PTPRH: variants seen among roughly 807,000 people sequenced by gnomAD.
PTPRH encodes receptor-type tyrosine-protein phosphatase H.
In PTPRH, 113 loss-of-function variants were observed where a neutral mutation model predicts 130.2. The observed-to-expected ratio is 0.87, with a 90% CI of 0.75 to 1.01. The LOEUF is 1.01. Among genes scored for constraint, PTPRH ranks in the 50% least tolerant of loss-of-function variants. The probability of loss-of-function intolerance (pLI) is 0.00; values close to 1 mark genes in which losing one functional copy is unlikely to be tolerated. For missense variants in PTPRH, 1,430 were observed against 1,425.0 expected (o/e 1.00, Z -0.06); for synonymous variants, 556 against 577.9 (o/e 0.96, Z 0.54).
At chr19:55,204,178 G>A in intron 4 of PTPRH, 130 bp from the exon 5 acceptor site, 2 of 1,059,222 alleles carry the variant, frequency 1.9e-6, no homozygotes, top group Non-Finnish European at 2.7e-6. Flanking sequence ...GGAGTGCAGT[G>A]GCACGATCTC....
intron 18 of PTPRH, 143 bp downstream of exon 18, chr19:55,185,359 G>T (rs865839037): frequency 7.0e-6 from 6 of 854,700 alleles, no homozygotes; most frequent in South Asian, 1.9e-5. Flanking sequence ...TCTGCTTCAC[G>T]CCCCCCTTTA....
At chr19:55,207,322 G>T in intron 1 of PTPRH, 123 bp from the exon 2 acceptor site, 1 of 1,081,008 alleles carries the variant, frequency 9.3e-7, no homozygotes, top group Non-Finnish European at 1.3e-6. Context: ...GGAAGGAGGG[G>T]CCGGTGTTAG....
rs1485141061 is a variant in PTPRH at position 55,209,192 on chromosome 19, AGACAC to A, written c.51+186_51+190del. On this transcript the variant is annotated intron_variant, in intron 1 of 19. Transcript: ENST00000376350. This position sits in a 1 kb window ranked among gnomAD's most constrained non-coding sequence, Gnocchi z 4.1. ...GGGTGAAGCTGGTGTCCCCCGCAGC[AGACAC>A]GACAGTATCTAAGAGCCCAGGTGTA... Among the ~76,000 whole-genome samples the A allele has an allele frequency of 6.6e-6, 1 of 152,012 alleles. No individual in the cohort carries two copies. Among genetic ancestry groups the A allele is most frequent in the African/African-American group, 2.4e-5 (1 of 41,338 alleles).
Position 55,185,581 on chromosome 19 carries a change from T to C in PTPRH, c.2983A>G (p.Thr995Ala), listed in dbSNP as rs770870779. 1 of 1,614,054 alleles carries C rather than the reference T, an allele frequency of 6.2e-7. No homozygotes were observed. The highest frequency in any genetic ancestry group is 8.5e-7 in the Non-Finnish European group (1 of 1,179,998). The change falls in exon 18 of 20, where the codon ACC (threonine) becomes GCC (alanine). Residue 995 changes from threonine (T) to alanine (A), a missense_variant. Thr to Ala is a moderately conservative substitution (Grantham distance 58). Transcript: ENST00000376350. ...AGCATCCTCCAGAAAGCCAGCAAGG[T>C]GTCTGGGGAGGAGGGAACGCCGTGA... ...PDHGVPSSPD[T>A]LLAFWRMLRQ...
intron 18 of PTPRH, among the ~76,000 whole-genome samples, chr19:55,183,051 C>A (rs1054439177): frequency 2.0e-5 from 3 of 150,532 alleles, no homozygotes; most frequent in Non-Finnish European, 4.4e-5. Context: ...CCACCTCAGC[C>A]CCCCAAAGTG....
At chr19:55,185,414 G>T in intron 18 of PTPRH, 88 bp downstream of exon 18, 1 of 1,450,230 alleles carries the variant, frequency 6.9e-7, no homozygotes, top group Non-Finnish European at 9.4e-7. Context: ...CACCTCCCCT[G>T]TACGTTCCCA....
intron 10 of PTPRH, among the ~76,000 whole-genome samples, chr19:55,195,188 G>A (rs1308021589): frequency 6.6e-6 from 1 of 152,158 alleles, no homozygotes; most frequent in African/African-American, 2.4e-5. Flanking sequence ...AGCTGGGCGT[G>A]GTAGGAGGCG....
Position 55,197,132 on chromosome 19 carries a change from G to T in PTPRH, c.1975C>A (p.Leu659Ile), listed in dbSNP as rs777120415. The change falls in exon 9 of 20, where the codon CTC becomes ATC. Residue 659 changes from leucine (L) to isoleucine (I), a missense_variant. Leu to Ile is a conservative substitution (Grantham distance 5). Transcript: ENST00000376350. ...RNDVASSTQS[L>I]CASTYPDTVT... ...GGATTCTCACATGTGGACGCACAGA[G>T]GCTCTGCGTGGAACTGGCTACGTCA... 1 of 1,614,130 alleles carries T rather than the reference G, an allele frequency of 6.2e-7. No individual in the cohort carries two copies. Among genetic ancestry groups the T allele is most frequent in the South Asian group, 1.1e-5 (1 of 91,090 alleles).
chr19:55,209,104 G>A lies in PTPRH; in HGVS notation c.51+279C>T, dbSNP rs1171452390. Among the ~76,000 whole-genome samples, 6 of 151,986 alleles carry A rather than the reference G, an allele frequency of 3.9e-5. No homozygotes were observed. Among genetic ancestry groups the A allele is most frequent in the Non-Finnish European group, 8.8e-5 (6 of 67,968 alleles). On this transcript the variant is annotated intron_variant, in intron 1 of 19. Coordinates refer to ENST00000376350, the MANE Select transcript of PTPRH (RefSeq NM_002842.5). This position sits in a 1 kb window ranked among gnomAD's most constrained non-coding sequence, Gnocchi z 4.1. Reference sequence around the variant, plus strand: ...AGTGTCCCCCGCAGCAGACACGACAGTGTCTAAGGGCCCGGGTGAAGCTGG... The same window carrying A: ...AGTGTCCCCCGCAGCAGACACGACAATGTCTAAGGGCCCGGGTGAAGCTGG...
rs760574459 is a variant in PTPRH at position 55,206,975 on chromosome 19, G to T, written c.86-20C>A. On this transcript the variant is annotated intron_variant, in intron 2 of 19. Coordinates refer to ENST00000376350, the MANE Select transcript of PTPRH (RefSeq NM_002842.5). ...TGGGGGCTGAGAATTGGGAAGGAAG[G>T]TCTGACAAAAAGGGAACCAGGTCAG... 4 of 1,569,924 alleles carry T rather than the reference G, an allele frequency of 2.5e-6. No homozygotes were observed. The highest frequency in any genetic ancestry group is 1.8e-5 in the Admixed American group (1 of 54,652).
intron 18 of PTPRH, among the ~76,000 whole-genome samples, chr19:55,183,347 T>C (rs979182173): frequency 2.0e-5 from 3 of 150,800 alleles, no homozygotes; most frequent in African/African-American, 4.9e-5. Context: ...GAGATTGCAG[T>C]GAGCCGAGAT....
chr19:55,189,905 G>A, intron 12 of PTPRH: 3 of 362,114 alleles, frequency 8.3e-6, no homozygotes, highest in Non-Finnish European at 1.7e-5. Context: ...GAGATGGGAG[G>A]GTCACTTGAG....
In PTPRH at chr19:55,207,181, C is replaced by G. The variant is rs1429985226; in HGVS notation, c.70G>C (p.Gly24Arg). 1.2e-6 allele frequency: 2 copies of G among 1,613,466 alleles called. No homozygotes were observed. ...GGTCACTCACCAGGCGCCCTGGCCC[C>G]TGTCCAGCTGCACAGGCCCTGGAGG... ...LVLLGLCSWTGARAPAPNPGR... is the reference protein window; with the variant it reads ...LVLLGLCSWTRARAPAPNPGR... Residue 24 changes from glycine (G) to arginine (R), a missense_variant, in exon 2 of 20, where the codon GGG becomes CGG. Physicochemically the swap from Gly to Arg is moderately radical, Grantham distance 125. Transcript: ENST00000376350.
intron 15 of PTPRH, 50 bp downstream of exon 15, chr19:55,186,414 T>C: frequency 1.2e-6 from 2 of 1,613,196 alleles, no homozygotes; most frequent in Non-Finnish European, 1.7e-6. Flanking sequence ...CCCGAGCTCT[T>C]ATCTCTCCAG....
chr19:55,195,632 G>C (rs1279896411), intron 10 of PTPRH, among the ~76,000 whole-genome samples: 4 of 152,198 alleles, frequency 2.6e-5, no homozygotes, highest in African/African-American at 9.6e-5. Flanking sequence ...GAGTGCAGTG[G>C]CCCCGATCAT....
chr19:55,209,376 C>T lies in PTPRH; in HGVS notation c.51+7G>A. The T allele has an allele frequency of 6.4e-7, 1 of 1,561,140 alleles. No homozygotes were observed. The highest frequency in any genetic ancestry group is 2.4e-5 in the East Asian group (1 of 42,094). ...TTGGGAGCCCGCTCTGGGCGGGGAG[C>T]ACTTACCAGCAGCACCAGGTTCCCC... On this transcript the variant is annotated splice_region_variant and intron_variant, in intron 1 of 19. Coordinates refer to ENST00000376350, the MANE Select transcript of PTPRH (RefSeq NM_002842.5). This position sits in a 1 kb window ranked among gnomAD's most constrained non-coding sequence, Gnocchi z 4.1.
chr19:55,202,369 C>G lies in PTPRH; in HGVS notation c.887-47G>C, dbSNP rs1329905061. On this transcript the variant is annotated intron_variant, in intron 5 of 19. Transcript: ENST00000376350. ...AAAATCAGTTGTAGTTTCTGGCCCT[C>G]AAACTTTCCAGCCCTTCCTTAACCA... is the stretch of plus-strand genomic sequence containing the variant. The G allele has an allele frequency of 1.9e-6, 3 of 1,604,224 alleles. No homozygotes were observed. In the African/African-American group the frequency reaches 4.0e-5, roughly 21 times the overall value.
rs2288522 is a variant in PTPRH, at chr19:55,197,107, G to T, written c.1990+10C>A. The T allele has an allele frequency of 0.13, 211,363 of 1,611,536 alleles. 14,616 individuals carry two copies. Among genetic ancestry groups the T allele is most frequent in the South Asian group, 0.15 (13,900 of 91,036 alleles). ...AGTTCACCACTTGAAGGCAGGAAGG[G>T]GATTCTCACATGTGGACGCACAGAG... On this transcript the variant is annotated intron_variant, in intron 9 of 19. Coordinates refer to ENST00000376350, the MANE Select transcript of PTPRH (RefSeq NM_002842.5).
At chr19:55,184,792 AAATAAAATAAAAT>A (rs1404984217) in intron 18 of PTPRH, among the ~76,000 whole-genome samples, 7 of 150,188 alleles carry the variant, frequency 4.7e-5, no homozygotes, top group Non-Finnish European at 1.0e-4. Flanking sequence ...ATCTCAAATA[AAATAAAATAAAAT>A]AATAAAATAA....
Sources: gnomAD v4.1 joint callset for allele counts (sites outside exome capture counted in the v4.1 genomes callset) on GRCh38, gnomAD v4.1.1 for gene constraint, Gnocchi (gnomAD v3.1) non-coding constraint, MANE v1.5 for transcripts, NCBI Gene and HGNC (gene_info 2026-07-23, HGNC 2026-07-21) for gene names.